The following PCGF3 variants were observed in gnomAD, a reference collection of about 807,000 sequenced individuals.
PCGF3 encodes the protein polycomb group ring finger 3, also known as polycomb group RING finger protein 3.
Under a neutral mutation model 33.1 loss-of-function variants are expected in PCGF3, and 7 were observed. That is an observed-to-expected ratio of 0.21 (90% CI 0.12 to 0.40). PCGF3 has a LOEUF of 0.40. Ranked by LOEUF, PCGF3 falls within the 10% of genes least tolerant of loss-of-function variation. The pLI is 1.00. For missense variants in PCGF3, 211 were observed against 313.3 expected (o/e 0.67, Z 2.46); for synonymous variants, 153 against 121.3 (o/e 1.26, Z -1.72).
At chr4:767,844 T>C (rs1339024845) in exon 11 of PCGF3, 1 of 152,664 alleles carries the variant, frequency 6.6e-6, no homozygotes, top group Non-Finnish European at 1.5e-5. Context: ...TGTGTATGAA[T>C]AAATATTACC....
chr4:742,492 T>A lies in PCGF3; in HGVS notation c.263-982T>A, dbSNP rs113863186. The stretch of plus-strand genomic sequence containing the variant: ...TTTCAGAGTGATGTCTGGGTTGCGG[T>A]TTGAGCAGCTTTTTTCTAACCTTTC... On this transcript the variant is annotated intron_variant, in intron 6 of 10. Coordinates refer to ENST00000362003, the Ensembl canonical transcript of PCGF3. Among the ~76,000 whole-genome samples the A allele has an allele frequency of 3.3e-4, 51 of 152,292 alleles. 1 individual carries two copies. The highest frequency in any genetic ancestry group is 1.2e-3 in the African/African-American group (50 of 41,564).
chr4:768,148 G>T (rs1463694577), exon 11 of PCGF3: 1 of 152,672 alleles, frequency 6.5e-6, no homozygotes, highest in Non-Finnish European at 1.5e-5. Flanking sequence ...ACGGGCGAGT[G>T]GCGCCCGTGT....
In PCGF3 at chr4:736,679, GCACAGGATGCA is replaced by G. The variant is rs1227041856; in HGVS notation, c.207-786_207-776del. ...TCCACAGGGACGGTGTCTCCTGAGCGCACAGGATGCAGGGAACCCGGGGTGTCCGCAGGGAC... is the reference window on the plus strand; with the variant it reads ...TCCACAGGGACGGTGTCTCCTGAGCGGGGAACCCGGGGTGTCCGCAGGGAC... On this transcript the variant is annotated intron_variant, in intron 5 of 10. Transcript: ENST00000362003. 4.1e-3 allele frequency among the ~76,000 whole-genome samples: 481 copies of G among 118,482 alleles called. 18 individuals carry two copies. Among genetic ancestry groups the G allele is most frequent in the African/African-American group, 0.011 (335 of 30,860 alleles). The allele number at this position is 118,482 out of a possible 152,430, so 77.7% of individuals were successfully genotyped here. A position where few individuals can be genotyped will look rare whatever the true frequency, so the allele number is the denominator to read the frequency against.
At chr4:729,099 CAAAAAAAAAAAAAAAAA>C (rs34927260) in intron 1 of PCGF3, among the ~76,000 whole-genome samples, 2 of 40,252 alleles carry the variant, frequency 5.0e-5, no homozygotes, top group Admixed American at 4.2e-4. Flanking sequence ...GACTCCATCT[CAAAAAAAAAAAAAAAAA>C]AAAAAAAAAA....
At chr4:707,443 T>C (rs1302513998) in intron 1 of PCGF3, among the ~76,000 whole-genome samples, 1 of 151,980 alleles carries the variant, frequency 6.6e-6, no homozygotes, top group Non-Finnish European at 1.5e-5. Context: ...GACTGCCCCG[T>C]CTCCCCCGGG....
At chr4:711,316 T>A (rs1476604937) in intron 1 of PCGF3, among the ~76,000 whole-genome samples, 1 of 152,262 alleles carries the variant, frequency 6.6e-6, no homozygotes, top group Non-Finnish European at 1.5e-5. Flanking sequence ...TGGGTTTTTT[T>A]ATTTGGATTA....
intron 8 of PCGF3, among the ~76,000 whole-genome samples, chr4:750,204 G>A (rs1166196408): frequency 1.3e-5 from 2 of 152,254 alleles, no homozygotes; most frequent in African/African-American, 4.8e-5. Flanking sequence ...CATTTCTAAA[G>A]AAGCTGTAAT....
chr4:715,122 GTGT>G, intron 1 of PCGF3, among the ~76,000 whole-genome samples: 1 of 149,284 alleles, frequency 6.7e-6, no homozygotes, highest in Non-Finnish European at 1.5e-5. Flanking sequence ...TGAGAACTGG[GTGT>G]CGGTGCTGGG....
chr4:708,026 G>A (rs907582393), intron 1 of PCGF3, among the ~76,000 whole-genome samples: 5 of 137,482 alleles, frequency 3.6e-5, no homozygotes, highest in African/African-American at 1.3e-4. Context: ...CCTGGGGGCC[G>A]GGACCCTGGG....
At chr4:766,194 T>C in exon 11 of PCGF3, 2 of 765,360 alleles carry the variant, frequency 2.6e-6, no homozygotes, top group East Asian at 5.3e-5. Flanking sequence ...GAATAGAGAA[T>C]ATTTATAACT....
At chr4:729,498 G>A (rs1470681805) in intron 1 of PCGF3, among the ~76,000 whole-genome samples, 1 of 152,204 alleles carries the variant, frequency 6.6e-6, no homozygotes, top group African/African-American at 2.4e-5. Flanking sequence ...CGCCATGTGT[G>A]GTCAGCAGCT....
exon 7 of PCGF3, chr4:743,474 C>T (rs761352143): frequency 6.4e-5 from 103 of 1,598,878 alleles, no homozygotes; most frequent in African/African-American, 9.4e-5. Context: ...TTTTCCGCAG[C>T]GGAAATGAGA....
rs577180834 is a variant in PCGF3 at position 707,008 on chromosome 4, C to T, written c.-190+1038C>T. ...CAGGACCCTGGGAAGGTCGCGACCC[C>T]AGCCCAGGCAGGACCCCGGGAGGGC... On this transcript the variant is annotated intron_variant, in intron 1 of 10. Coordinates refer to ENST00000362003, the Ensembl canonical transcript of PCGF3. Among the ~76,000 whole-genome samples, 7 of 152,106 alleles carry T rather than the reference C, an allele frequency of 4.6e-5. No homozygotes were observed. The South Asian group carries it at 1.5e-3, about 32-fold the overall frequency.
chr4:750,568 G>A (rs931195805), intron 8 of PCGF3, among the ~76,000 whole-genome samples: 1 of 152,230 alleles, frequency 6.6e-6, no homozygotes, highest in Non-Finnish European at 1.5e-5. Context: ...GCGTGAGGTG[G>A]TGGTGAGATT....
chr4:732,293 C>A (rs1023053545), intron 3 of PCGF3: 1 of 157,114 alleles, frequency 6.4e-6, no homozygotes, highest in African/African-American at 2.4e-5. Context: ...GGTGGGGCTC[C>A]CCCTCACCTC....
rs1047683479 is a variant in PCGF3 at position 736,500 on chromosome 4, G to A, written c.207-966G>A. Among the ~76,000 whole-genome samples, 85 of 145,994 alleles carry A rather than the reference G, an allele frequency of 5.8e-4. 4 individuals are homozygous for A. Among genetic ancestry groups the A allele is most frequent in the African/African-American group, 2.2e-3 (84 of 38,806 alleles). Reference sequence around the variant, plus strand: ...GCATAGGATGCAGGGAACCCGGGGTGTCCGCAGGGACGGTGTCCCCTGAGC... The same window carrying A: ...GCATAGGATGCAGGGAACCCGGGGTATCCGCAGGGACGGTGTCCCCTGAGC... On this transcript the variant is annotated intron_variant, in intron 5 of 10. Transcript: ENST00000362003.
chr4:736,483 T>TGCAGGGAACCCGGGGTGTCC (rs1560206482), intron 5 of PCGF3, among the ~76,000 whole-genome samples: 2 of 121,950 alleles, frequency 1.6e-5, no homozygotes, highest in African/African-American at 6.3e-5. Flanking sequence ...GCGCATAGGA[T>TGCAGGGAACCCGGGGTGTCC]GCAGGGAACC....
At chr4:749,002 G>A (rs1744394267) in intron 8 of PCGF3, among the ~76,000 whole-genome samples, 1 of 152,146 alleles carries the variant, frequency 6.6e-6, no homozygotes, top group Non-Finnish European at 1.5e-5. Flanking sequence ...GTAAAGCTGT[G>A]TGTGATGTCC....
chr4:754,549 AG>A (rs1429407930), intron 8 of PCGF3, among the ~76,000 whole-genome samples: 1 of 152,098 alleles, frequency 6.6e-6, no homozygotes, highest in Non-Finnish European at 1.5e-5. Context: ...GTGAGGCAGG[AG>A]GTAGTGAGCT....
Sources: allele counts gnomAD v4.1 joint callset (sites outside exome capture counted in the v4.1 genomes callset), GRCh38; gene constraint gnomAD v4.1.1; transcripts MANE v1.5; gene names NCBI Gene and HGNC (gene_info 2026-07-23, HGNC 2026-07-21).